Variants in LRP5 observed in about 807,000 individuals in gnomAD.
The protein encoded by LRP5 is LDL receptor related protein 5, also known as low-density lipoprotein receptor-related protein 5.
In LRP5, 62 loss-of-function variants were observed where a neutral mutation model predicts 154.1. The ratio of observed to expected loss-of-function variants is 0.40; its 90% CI spans 0.33 to 0.50. LRP5 has a LOEUF of 0.50. Ranked by LOEUF, LRP5 falls within the 20% of genes least tolerant of loss-of-function variation. The pLI, the probability that LRP5 is intolerant of heterozygous loss-of-function variation, is 0.55. For missense variants in LRP5, 1,915 were observed against 2,336.7 expected (o/e 0.82, Z 3.72); for synonymous variants, 966 against 1,011.5 (o/e 0.96, Z 0.85).
intron 3 of LRP5, among the ~76,000 whole-genome samples, chr11:68,362,237 A>G (rs574472710): frequency 6.0e-4 from 92 of 152,298 alleles, no homozygotes; most frequent in Non-Finnish European, 9.7e-4. Context: ...AAGTCCATCA[A>G]AAGTGTTTGC....
intron 16 of LRP5, 55 bp from the exon 17 acceptor site, chr11:68,429,520 G>T: frequency 6.2e-7 from 1 of 1,612,210 alleles, no homozygotes; most frequent in Non-Finnish European, 8.5e-7. Context: ...CCAGGCTGTG[G>T]TTCTGAGGTG....
intron 7 of LRP5, among the ~76,000 whole-genome samples, chr11:68,401,010 C>T (rs984893881): frequency 1.3e-5 from 2 of 152,180 alleles, no homozygotes; most frequent in African/African-American, 4.8e-5. Context: ...GTGCCGATGT[C>T]CCTCCCCCAG....
intron 5 of LRP5, among the ~76,000 whole-genome samples, chr11:68,383,438 G>A (rs1284720903): frequency 6.6e-6 from 1 of 152,214 alleles, no homozygotes; most frequent in Non-Finnish European, 1.5e-5. Flanking sequence ...CCCCACAGTG[G>A]CTGTTAAGCA....
chr11:68,373,404 ACTG>A (rs2098635488), intron 5 of LRP5, among the ~76,000 whole-genome samples: 1 of 151,962 alleles, frequency 6.6e-6, no homozygotes, highest in Non-Finnish European at 1.5e-5. Context: ...GGGGCCCCGC[ACTG>A]CTGTGTGCCT....
At chr11:68,394,382 G>C (rs1184866697) in intron 7 of LRP5, among the ~76,000 whole-genome samples, 1 of 151,882 alleles carries the variant, frequency 6.6e-6, no homozygotes, top group Non-Finnish European at 1.5e-5. Flanking sequence ...CCAGGAACAG[G>C]GGGGTCGCAG....
At chr11:68,302,508 C>T in the LRP5 span, among the ~76,000 whole-genome samples, 1 of 152,192 alleles carries the variant, frequency 6.6e-6, no homozygotes, top group African/African-American at 2.4e-5. Context: ...CTGTTTGCTC[C>T]AGACTTTTGC....
At chr11:68,362,582 T>G (rs2098628685) in intron 3 of LRP5, among the ~76,000 whole-genome samples, 1 of 151,536 alleles carries the variant, frequency 6.6e-6, no homozygotes, top group South Asian at 2.1e-4. Context: ...TCCCAGCTAC[T>G]CTGGAGGCGG....
intron 13 of LRP5, among the ~76,000 whole-genome samples, chr11:68,419,435 A>G (rs1565097159): frequency 6.6e-6 from 1 of 150,678 alleles, no homozygotes; most frequent in Non-Finnish European, 1.5e-5. Context: ...GAGACCCGCT[A>G]TGTTGCCCAG....
At chr11:68,405,551 A>T (rs1308854722) in intron 8 of LRP5, among the ~76,000 whole-genome samples, 2 of 152,128 alleles carry the variant, frequency 1.3e-5, no homozygotes, top group Non-Finnish European at 2.9e-5. Context: ...AAGAACAAAA[A>T]ATAAACCCCA....
intron 1 of LRP5, among the ~76,000 whole-genome samples, chr11:68,336,479 T>C (rs905725670): frequency 6.6e-6 from 1 of 152,158 alleles, no homozygotes; most frequent in Non-Finnish European, 1.5e-5. Context: ...TTTTATTTTA[T>C]TTTTTTGAGA....
At chr11:68,439,664 C>T (rs760795141) in intron 20 of LRP5, 113 bp from the exon 21 acceptor site, 536 of 1,167,998 alleles carry the variant, frequency 4.6e-4, no homozygotes, top group Non-Finnish European at 6.1e-4. Context: ...CAGGACACAC[C>T]GCCCTGGTCT....
chr11:68,424,493 G>A (rs495137), intron 14 of LRP5, among the ~76,000 whole-genome samples: 3,689 of 152,320 alleles, frequency 0.024, 149 homozygotes, highest in African/African-American at 0.084. Flanking sequence ...CTATAAGGCG[G>A]CTGTGCAGGA....
chr11:68,383,078 A>G (rs1162086378), intron 5 of LRP5, among the ~76,000 whole-genome samples: 1 of 152,018 alleles, frequency 6.6e-6, no homozygotes, highest in East Asian at 1.9e-4. Flanking sequence ...GGGTTTTACC[A>G]TGTTGGCTAG....
At chr11:68,317,750 A>C (rs1423630502) in intron 1 of LRP5, among the ~76,000 whole-genome samples, 1 of 152,074 alleles carries the variant, frequency 6.6e-6, no homozygotes, top group East Asian at 1.9e-4. Flanking sequence ...GGCAGTTGAC[A>C]CTTTGCTGGC....
intron 13 of LRP5, among the ~76,000 whole-genome samples, chr11:68,418,828 G>A (rs1411582013): frequency 2.0e-5 from 3 of 152,204 alleles, no homozygotes; most frequent in Non-Finnish European, 4.4e-5. Context: ...ACAGGTGACT[G>A]TCACGTGGAG....
chr11:68,386,501 T>C lies in LRP5; in HGVS notation c.1201T>C (p.Tyr401His). 6.2e-7 allele frequency: 1 copy of C among 1,613,942 alleles called. No individual in the cohort carries two copies. The highest frequency in any genetic ancestry group is 8.5e-7 in the Non-Finnish European group (1 of 1,179,972). ...CGAGGTGCGGGCCATCCGCAGGGCG[T>C]ACCTGGACGGGTCTGGGGCGCAGAC... ...DDEVRAIRRA[Y>H]LDGSGAQTLV... The change falls in exon 6 of 23, where the codon TAC becomes CAC. Residue 401 changes from tyrosine to histidine, a missense_variant. By Grantham distance (83) the Tyr-to-His change is moderately conservative. Transcript: ENST00000294304. The surrounding 1 kb of genome is among the most constrained non-coding windows in gnomAD (Gnocchi z 7.9).
chr11:68,304,726 T>G, the LRP5 span, among the ~76,000 whole-genome samples: 6 of 152,198 alleles, frequency 3.9e-5, no homozygotes, highest in African/African-American at 1.4e-4. Flanking sequence ...CTATGGGACA[T>G]GGAGTTTAAG....
the LRP5 span, among the ~76,000 whole-genome samples, chr11:68,303,065 G>T: frequency 6.6e-6 from 1 of 152,198 alleles, no homozygotes; most frequent in African/African-American, 2.4e-5. Flanking sequence ...AAGAGAGAAG[G>T]AGCTGGCCTG....
chr11:68,386,556 A>T lies in LRP5; in HGVS notation c.1256A>T (p.Asp419Val). ...TLVNTEINDPDGIAVDWVARN... is the reference protein window; with the variant it reads ...TLVNTEINDPVGIAVDWVARN... ...GTCAACACCGAGATCAACGACCCCG[A>T]TGGCATCGCGGTCGACTGGGTGGCC... The change falls in exon 6 of 23, where the codon GAT becomes GTT. Residue 419 changes from aspartate to valine, a missense_variant. Transcript: ENST00000294304. This position sits in a 1 kb window ranked among gnomAD's most constrained non-coding sequence, Gnocchi z 7.9. The T allele has an allele frequency of 1.2e-6, 2 of 1,613,786 alleles. No homozygotes were observed. The highest frequency in any genetic ancestry group is 1.7e-6 in the Non-Finnish European group (2 of 1,179,942).
Sources: gnomAD v4.1 joint callset for allele counts (sites outside exome capture counted in the v4.1 genomes callset) on GRCh38, gnomAD v4.1.1 for gene constraint, Gnocchi (gnomAD v3.1) non-coding constraint, MANE v1.5 for transcripts, NCBI Gene and HGNC (gene_info 2026-07-23, HGNC 2026-07-21) for gene names.